Variants in EIF4E1B observed in about 807,000 individuals in gnomAD.
EIF4E1B encodes the protein eukaryotic translation initiation factor 4E family member 1B.
In EIF4E1B, 22 loss-of-function variants were observed where a neutral mutation model predicts 31.3. The observed-to-expected ratio is 0.70, with a 90% CI of 0.50 to 1.00. The LOEUF is 1.00. Ranked by LOEUF, EIF4E1B falls within the 50% of genes least tolerant of loss-of-function variation. The probability of loss-of-function intolerance (pLI) is 0.00; values close to 1 mark genes in which losing one functional copy is unlikely to be tolerated. For synonymous variants in EIF4E1B, 126 were observed against 120.2 expected (o/e 1.05, Z -0.31); for missense variants, 290 against 311.6 (o/e 0.93, Z 0.52).
In EIF4E1B at chr5:176,643,791, T is replaced by C. The variant is rs372658671; in HGVS notation, c.296+57T>C. On this transcript the variant is annotated intron_variant, in intron 5 of 8. Transcript: ENST00000318682. Reference sequence around the variant, plus strand: ...GGGGGGCTCTGAGCTCTGGGCTCCCTCTCTCCGGGTTGAGCCAGCCCTCCC... The same window carrying C: ...GGGGGGCTCTGAGCTCTGGGCTCCCCCTCTCCGGGTTGAGCCAGCCCTCCC... 1.7e-4 allele frequency: 256 copies of C among 1,541,238 alleles called. 2 individuals carry two copies. The East Asian group carries it at 2.4e-3, about 14-fold the overall frequency.
rs1443114889 is a variant in EIF4E1B at position 176,646,380 on chromosome 5, T to G, written c.*400T>G. On this transcript the variant is annotated 3_prime_UTR_variant, in exon 9 of 9. Transcript: ENST00000318682. ...GGTGGGCTCAAGGGCACAGACATTCTGGAGGGTGAACGCCATCATTTGTAC... is the reference window on the plus strand; with the variant it reads ...GGTGGGCTCAAGGGCACAGACATTCGGGAGGGTGAACGCCATCATTTGTAC... 1.1e-5 allele frequency: 2 copies of G among 188,258 alleles called. No individual in the cohort carries two copies. Among genetic ancestry groups the G allele is most frequent in the Non-Finnish European group, 2.3e-5 (2 of 88,360 alleles). 11.7% of individuals were successfully genotyped at this position (188,258 alleles called of 1,614,324 possible).
chr5:176,639,868 G>A (rs1295833091), intron 1 of EIF4E1B, among the ~76,000 whole-genome samples: 1 of 152,088 alleles, frequency 6.6e-6, no homozygotes, highest in Non-Finnish European at 1.5e-5. Context: ...GCTGCAGTGA[G>A]CTATGGTCAT....
At chr5:176,634,927 C>A (rs1230593674) in intron 1 of EIF4E1B, among the ~76,000 whole-genome samples, 1 of 152,038 alleles carries the variant, frequency 6.6e-6, no homozygotes, top group Non-Finnish European at 1.5e-5. Flanking sequence ...CTCAGCCTCC[C>A]AAAGTGCTGG....
At chr5:176,642,568 C>A in intron 2 of EIF4E1B, 142 bp from the exon 3 acceptor site, 1 of 624,544 alleles carries the variant, frequency 1.6e-6, no homozygotes, top group Non-Finnish European at 2.7e-6. Flanking sequence ...GGGGATGGTG[C>A]CAGAAGGCCC....
chr5:176,642,843 C>A (rs1285286029), intron 3 of EIF4E1B, 41 bp downstream of exon 3: 2 of 1,438,880 alleles, frequency 1.4e-6, no homozygotes, highest in South Asian at 2.7e-5. Context: ...CACCATGGCC[C>A]CGCCCTCTCC....
At chr5:176,633,184 TG>T (rs1760435631) in intron 1 of EIF4E1B, among the ~76,000 whole-genome samples, 1 of 152,080 alleles carries the variant, frequency 6.6e-6, no homozygotes, top group Non-Finnish European at 1.5e-5. Context: ...CTAGCTATCC[TG>T]GAGATTATTT....
In EIF4E1B at chr5:176,632,970, G is replaced by A. The variant is rs573570401; in HGVS notation, c.-202+1906G>A. On this transcript the variant is annotated intron_variant, in intron 1 of 8. Coordinates refer to ENST00000318682, the MANE Select transcript of EIF4E1B (RefSeq NM_001099408.2). ...AAGCAGAGGGCGGGGTGGGGGAGGGGTGTGTTCTGGTGTGGAAAAGTGGTG... is the reference window on the plus strand; with the variant it reads ...AAGCAGAGGGCGGGGTGGGGGAGGGATGTGTTCTGGTGTGGAAAAGTGGTG... Among the ~76,000 whole-genome samples the A allele has an allele frequency of 3.3e-5, 5 of 152,278 alleles. No individual in the cohort carries two copies. The East Asian group carries it at 9.7e-4, about 29-fold the overall frequency.
At chr5:176,639,415 G>C (rs1020136882) in intron 1 of EIF4E1B, among the ~76,000 whole-genome samples, 3 of 152,198 alleles carry the variant, frequency 2.0e-5, no homozygotes, top group African/African-American at 7.2e-5. Context: ...GATGCCTGTA[G>C]CGCCAGGGGG....
chr5:176,643,500 C>A lies in EIF4E1B; in HGVS notation c.201-139C>A, dbSNP rs890879376. The A allele has an allele frequency of 3.3e-6, 3 of 900,012 alleles. No individual in the cohort carries two copies. The African/African-American group carries it at 5.0e-5, about 15-fold the overall frequency. The allele number at this position is 900,012 out of a possible 1,614,324, so 55.8% of individuals were successfully genotyped here. ...CTTCAGGACAACTGATTTCATTCAC[C>A]TGAGAGGGGAATGCTGTGCCCCAAA... On this transcript the variant is annotated intron_variant, in intron 4 of 8. Coordinates refer to ENST00000318682, the MANE Select transcript of EIF4E1B (RefSeq NM_001099408.2).
In EIF4E1B at chr5:176,644,387, A is replaced by G. The variant is rs1161270162; in HGVS notation, c.308A>G (p.His103Arg). The change falls in exon 6 of 9, where the codon CAC becomes CGC. Residue 103 changes from histidine (H) to arginine (R), a missense_variant. His to Arg is a conservative substitution (Grantham distance 29). Coordinates refer to ENST00000318682, the MANE Select transcript of EIF4E1B (RefSeq NM_001099408.2). Reference sequence around the variant, plus strand: ...GGGGCTCTGTCCAGGCTATACAGTCACATCCAGCTGGCCAGCAAGCTCTCC... The same window carrying G: ...GGGGCTCTGTCCAGGCTATACAGTCGCATCCAGCTGGCCAGCAAGCTCTCC... ...TVEDFWALYS[H>R]IQLASKLSSG... The G allele has an allele frequency of 1.3e-6, 2 of 1,591,744 alleles. No homozygotes were observed. Among genetic ancestry groups the G allele is most frequent in the Non-Finnish European group, 8.6e-7 (1 of 1,168,974 alleles).
chr5:176,643,407 C>A, intron 4 of EIF4E1B, 141 bp downstream of exon 4: 2 of 1,130,628 alleles, frequency 1.8e-6, no homozygotes, highest in Non-Finnish European at 2.5e-6. Context: ...AAGCCTTGGG[C>A]CCTGTTGGCC....
At chr5:176,639,243 C>T (rs898840319) in intron 1 of EIF4E1B, among the ~76,000 whole-genome samples, 4 of 152,196 alleles carry the variant, frequency 2.6e-5, no homozygotes, top group African/African-American at 9.7e-5. Flanking sequence ...TCAGAACCAG[C>T]TTCTCTGGAG....
At position 176,645,127 on chromosome 5, in the gene EIF4E1B, C is replaced by A; in HGVS notation, c.361-3C>A. On this transcript the variant is annotated splice_polypyrimidine_tract_variant and splice_region_variant and intron_variant, in intron 6 of 8. Transcript: ENST00000318682. This position sits in a 1 kb window ranked among gnomAD's most constrained non-coding sequence, Gnocchi z 5.4. ...GGCAGTTGACTTGCCATCTGCCTTG[C>A]AGGATGGCATCCAGCCCATGTGGGA... The A allele has an allele frequency of 6.4e-7, 1 of 1,557,166 alleles. No individual in the cohort carries two copies. Among genetic ancestry groups the A allele is most frequent in the South Asian group, 1.2e-5 (1 of 84,340 alleles).
At chr5:176,643,539 T>G in intron 4 of EIF4E1B, 100 bp from the exon 5 acceptor site, 2 of 1,141,646 alleles carry the variant, frequency 1.8e-6, no homozygotes, top group Non-Finnish European at 2.5e-6. Context: ...CATCTCCCAG[T>G]TCGCCCTTGA....
intron 1 of EIF4E1B, among the ~76,000 whole-genome samples, chr5:176,634,762 T>C (rs1030203437): frequency 1.3e-5 from 2 of 149,298 alleles, no homozygotes; most frequent in Non-Finnish European, 3.0e-5. Flanking sequence ...CTCTGCCTCC[T>C]GGGTTCAAAG....
rs200064281 is a variant in EIF4E1B at position 176,645,171 on chromosome 5, G to C, written c.402G>C (p.Arg134=). The part of the protein sequence containing the change: ...QPMWEDSRNK[R]GGRWLVSLAK... ...TGTGGGAGGACAGCAGGAATAAACG[G>C]GGTGGCCGCTGGCTGGTCAGCCTGG... is the stretch of plus-strand genomic sequence containing the variant. Residue 134 remains arginine, a synonymous_variant, in exon 7 of 9, where the codon CGG becomes CGC. Coordinates refer to ENST00000318682, the MANE Select transcript of EIF4E1B (RefSeq NM_001099408.2). This position sits in a 1 kb window ranked among gnomAD's most constrained non-coding sequence, Gnocchi z 5.4. 1 of 1,577,972 alleles carries C rather than the reference G, an allele frequency of 6.3e-7. No individual in the cohort carries two copies. Among genetic ancestry groups the C allele is most frequent in the Non-Finnish European group, 8.6e-7 (1 of 1,161,956 alleles).
At chr5:176,642,429 G>C (rs2113445262) in intron 2 of EIF4E1B, among the ~76,000 whole-genome samples, 1 of 152,348 alleles carries the variant, frequency 6.6e-6, no homozygotes, top group Non-Finnish European at 1.5e-5. Context: ...CTTGAGCCCA[G>C]GAGTTGCCTG....
rs1554151075 is a variant in EIF4E1B, at chr5:176,642,861, C to CACT, written c.15+59_15+60insACT. ...CATGGCCCCGCCCTCTCCCCCCCCC[C>CACT]CCCCGCCCCAGGTGGGCGGGGCAGG... On this transcript the variant is annotated intron_variant, in intron 3 of 8. Coordinates refer to ENST00000318682, the MANE Select transcript of EIF4E1B (RefSeq NM_001099408.2). The CACT allele has an allele frequency of 2.6e-3, 2,870 of 1,123,932 alleles. 207 individuals carry two copies. The African/African-American group carries it at 0.056, about 22-fold the overall frequency. 69.6% of individuals were successfully genotyped at this position (1,123,932 alleles called of 1,614,324 possible). A position where few individuals can be genotyped will look rare whatever the true frequency, so the allele number is the denominator to read the frequency against.
At chr5:176,634,131 T>C (rs1760454904) in intron 1 of EIF4E1B, among the ~76,000 whole-genome samples, 1 of 149,054 alleles carries the variant, frequency 6.7e-6, no homozygotes, top group African/African-American at 2.5e-5. Context: ...GAAATAGGCA[T>C]TGAGGGGGTG....
Sources: gnomAD v4.1 joint callset for allele counts (sites outside exome capture counted in the v4.1 genomes callset) on GRCh38, gnomAD v4.1.1 for gene constraint, Gnocchi (gnomAD v3.1) non-coding constraint, MANE v1.5 for transcripts, NCBI Gene and HGNC (gene_info 2026-07-23, HGNC 2026-07-21) for gene names.